HECTD4: variants seen among roughly 807,000 people sequenced by gnomAD.
The protein encoded by HECTD4 is HECT domain E3 ubiquitin protein ligase 4.
Under a neutral mutation model 471.5 loss-of-function variants are expected in HECTD4, and 114 were observed. The ratio of observed to expected loss-of-function variants is 0.24; its 90% confidence interval spans 0.21 to 0.28. The LOEUF is 0.28. Among genes scored for constraint, HECTD4 ranks in the 10% least tolerant of loss-of-function variants. The pLI, the probability that HECTD4 is intolerant of heterozygous loss-of-function variation, is 1.00. For synonymous variants in HECTD4, 2,012 were observed against 2,256.0 expected (o/e 0.89, Z 3.07); for missense variants, 3,866 against 5,651.5 (o/e 0.68, Z 10.13).
chr12:112,185,001 G>A lies in HECTD4; in HGVS notation c.9965C>T (p.Ala3322Val), dbSNP rs1385819671. The change falls in exon 61 of 76, where the codon GCC becomes GTC. Residue 3322 changes from alanine to valine, a missense_variant. Ala to Val is a moderately conservative substitution (Grantham distance 64). This residue lies in a region of HECTD4 where 57 missense variants were observed against 49.8 expected (regional missense o/e 1.14). Transcript: ENST00000682272. The stretch of plus-strand genomic sequence containing the variant: ...AGACTGGCGCTTGCCCGACGAGGAG[G>A]CCTTTTCCCGCTTCATCTTGACTTT... ...RKKVKMKREK[A>V]SSSGKRQSSR... The A allele has an allele frequency of 3.1e-6, 5 of 1,609,628 alleles. No homozygotes were observed. The highest frequency in any genetic ancestry group is 4.2e-6 in the Non-Finnish European group (5 of 1,178,114).
chr12:112,214,245 G>A (rs888021182), intron 48 of HECTD4, among the ~76,000 whole-genome samples: 1 of 152,132 alleles, frequency 6.6e-6, no homozygotes, highest in African/African-American at 2.4e-5. Context: ...AATTGCATCG[G>A]CACTCTTACA....
chr12:112,198,033 A>T (rs1244905079), intron 55 of HECTD4, among the ~76,000 whole-genome samples: 1 of 152,076 alleles, frequency 6.6e-6, no homozygotes, highest in Non-Finnish European at 1.5e-5. Context: ...ATGGGGTTTC[A>T]CCTGTTGGCC....
intron 60 of HECTD4, among the ~76,000 whole-genome samples, chr12:112,190,001 G>A (rs961855049): frequency 3.3e-5 from 5 of 152,078 alleles, no homozygotes; most frequent in Admixed American, 1.3e-4. Context: ...TGATCAACCC[G>A]CCTTGGCCTC....
intron 1 of HECTD4, among the ~76,000 whole-genome samples, chr12:112,358,315 C>T (rs2036383107): frequency 6.6e-6 from 1 of 151,980 alleles, no homozygotes; most frequent in Non-Finnish European, 1.5e-5. Context: ...AATATTATAA[C>T]CTACTAAAAA....
intron 1 of HECTD4, among the ~76,000 whole-genome samples, chr12:112,324,009 C>T (rs1250408385): frequency 2.1e-4 from 8 of 38,042 alleles, no homozygotes; most frequent in South Asian, 1.8e-3. Context: ...TTCCTTCCTT[C>T]CTTCCTTCCT....
chr12:112,259,155 G>A lies in HECTD4; in HGVS notation c.2984C>T (p.Ala995Val), dbSNP rs1566090149. The A allele has an allele frequency of 3.1e-6, 5 of 1,613,828 alleles. No homozygotes were observed. Among genetic ancestry groups the A allele is most frequent in the East Asian group, 2.2e-5 (1 of 44,858 alleles). Residue 995 changes from alanine to valine, a missense_variant, in exon 19 of 76, where the codon GCC (alanine) becomes GTC (valine). This residue lies in a region of HECTD4 where 525 missense variants were observed against 672.6 expected (regional missense o/e 0.78). Transcript: ENST00000682272. ...CAGCTGCACTAGCTGAGGCATCAGG[G>A]CATCCGCCATGATCAGAGTCTGTAA... ...PNLQTLIMAD[A>V]LMPQLVQLVL...
At chr12:112,284,774 C>T (rs1441596839) in intron 7 of HECTD4, among the ~76,000 whole-genome samples, 1 of 152,150 alleles carries the variant, frequency 6.6e-6, no homozygotes, top group East Asian at 1.9e-4. Flanking sequence ...CACTGCCATC[C>T]TTCTTGGGAT....
At chr12:112,306,860 A>G (rs2135682459) in intron 6 of HECTD4, among the ~76,000 whole-genome samples, 1 of 152,362 alleles carries the variant, frequency 6.6e-6, no homozygotes, top group South Asian at 2.1e-4. Context: ...CACCAAGTCC[A>G]TCAGGAGGAA....
At chr12:112,350,770 A>G (rs1429510987) in intron 1 of HECTD4, among the ~76,000 whole-genome samples, 2 of 152,218 alleles carry the variant, frequency 1.3e-5, no homozygotes, top group Non-Finnish European at 2.9e-5. Context: ...TTCTCCACAT[A>G]CAGCTTGCTC....
At chr12:112,281,637 C>A (rs972928799) in intron 8 of HECTD4, among the ~76,000 whole-genome samples, 70 of 152,132 alleles carry the variant, frequency 4.6e-4, no homozygotes, top group African/African-American at 1.6e-3. Flanking sequence ...AACAATTTTG[C>A]CACTTACCTT....
At chr12:112,209,327 G>A (rs1431435406) in intron 50 of HECTD4, among the ~76,000 whole-genome samples, 2 of 140,178 alleles carry the variant, frequency 1.4e-5, no homozygotes, top group African/African-American at 5.2e-5. Context: ...AATCATAAAA[G>A]TTTTTTTTTT....
chr12:112,324,127 T>C (rs1163818251), intron 1 of HECTD4, among the ~76,000 whole-genome samples: 1 of 138,478 alleles, frequency 7.2e-6, no homozygotes, highest in African/African-American at 2.8e-5. Context: ...TTCTTTTTTT[T>C]ATTTTTTTTT....
chr12:112,164,267 A>G lies in HECTD4; in HGVS notation c.12543T>C (p.Asp4181=). Residue 4181 remains aspartate, a synonymous_variant, in exon 73 of 76, where the codon GAT becomes GAC. Coordinates refer to ENST00000682272, the MANE Select transcript of HECTD4 (RefSeq NM_001388303.1). ...CGCACAGGGCCTCCAGCTCGGTCTC[A>G]TCATTGATCTGGAGGGTGGAGGCAG... ...NYVKKFESIN[D]ETELEALCAE... The G allele has an allele frequency of 1.2e-6, 2 of 1,612,210 alleles. No homozygotes were observed. Among genetic ancestry groups the G allele is most frequent in the Non-Finnish European group, 1.7e-6 (2 of 1,178,754 alleles).
At position 112,188,634 on chromosome 12, in the gene HECTD4, A is replaced by T. The variant is rs945004197; in HGVS notation, c.9472+2152T>A. Among the ~76,000 whole-genome samples, 1 of 152,250 alleles carries T rather than the reference A, an allele frequency of 6.6e-6. No individual in the cohort carries two copies. Among genetic ancestry groups the T allele is most frequent in the Non-Finnish European group, 1.5e-5 (1 of 68,042 alleles). On this transcript the variant is annotated intron_variant, in intron 60 of 75. Coordinates refer to ENST00000682272, the MANE Select transcript of HECTD4 (RefSeq NM_001388303.1). This position sits in a 1 kb window ranked among gnomAD's most constrained non-coding sequence, Gnocchi z 4.2. ...TACATCCAGATGGCTCTTGTACAGG[A>T]TAAAAGATTACTGGCCGGGGGAATC...
Position 112,370,161 on chromosome 12 carries a change from T to C in HECTD4, c.177+11791A>G, listed in dbSNP as rs560752849. On this transcript the variant is annotated intron_variant, in intron 1 of 75. Coordinates refer to ENST00000682272, the MANE Select transcript of HECTD4 (RefSeq NM_001388303.1). ...TGACAGATGAGAGACTGCAGTAACA[T>C]ACTCTGAAGATGGAGGAAACAGCAA... 5.3e-5 allele frequency among the ~76,000 whole-genome samples: 8 copies of C among 152,148 alleles called. No homozygotes were observed. In the South Asian group the frequency reaches 1.0e-3, roughly 20 times the overall value.
chr12:112,337,094 T>C (rs1446110068), intron 1 of HECTD4, among the ~76,000 whole-genome samples: 2 of 152,206 alleles, frequency 1.3e-5, no homozygotes, highest in Non-Finnish European at 2.9e-5. Flanking sequence ...ACCACTTAGT[T>C]TTGCAGATAG....
At position 112,164,152 on chromosome 12, in the gene HECTD4, C is replaced by T. The variant is rs1246560788; in HGVS notation, c.12658G>A (p.Glu4220Lys). Residue 4220 changes from glutamate to lysine, a missense_variant, in exon 73 of 76, where the codon GAG (glutamate) becomes AAG (lysine). Around this residue, in one of 16 missense-constraint regions of HECTD4, gnomAD observed 715 missense variants for 1,087.6 expected, o/e 0.66. Coordinates refer to ENST00000682272, the MANE Select transcript of HECTD4 (RefSeq NM_001388303.1). ...CRFTYLTMTG[E>K]EVELCSRGRH... ...CCCCGGCTGCACAGCTCCACCTCCT[C>T]GCCCGTCATGGTCAGGTAGGTGAAC... The T allele has an allele frequency of 6.2e-6, 10 of 1,613,006 alleles. No homozygotes were observed. Among genetic ancestry groups the T allele is most frequent in the East Asian group, 2.2e-5 (1 of 44,874 alleles).
chr12:112,334,591 G>A lies in HECTD4; in HGVS notation c.178-14849C>T, dbSNP rs181703713. Among the ~76,000 whole-genome samples, 12 of 142,614 alleles carry A rather than the reference G, an allele frequency of 8.4e-5. No individual in the cohort carries two copies. The East Asian group carries it at 2.5e-3, about 29-fold the overall frequency. 93.6% of individuals were successfully genotyped at this position (142,614 alleles called of 152,430 possible). A position where few individuals can be genotyped will look rare whatever the true frequency, so the allele number is the denominator to read the frequency against. ...GGGCAGATCACGAGGTCAGGAGTTCGAGACCAGCCTGGTCAACACAGTAAC... is the reference window on the plus strand; with the variant it reads ...GGGCAGATCACGAGGTCAGGAGTTCAAGACCAGCCTGGTCAACACAGTAAC... On this transcript the variant is annotated intron_variant, in intron 1 of 75. Transcript: ENST00000682272.
chr12:112,314,833 C>T lies in HECTD4; in HGVS notation c.696-287G>A, dbSNP rs528521562. 8.4e-4 allele frequency among the ~76,000 whole-genome samples: 128 copies of T among 152,246 alleles called. 1 individual carries two copies. The South Asian group carries it at 0.012, about 15-fold the overall frequency. ...GCATAAAAGTTCAAAACATAAGGCT[C>T]GAGCACAAAGAACTTGTGGCTATTA... is the stretch of plus-strand genomic sequence containing the variant. On this transcript the variant is annotated intron_variant, in intron 2 of 75. Coordinates refer to ENST00000682272, the MANE Select transcript of HECTD4 (RefSeq NM_001388303.1).
Sources: allele counts gnomAD v4.1 joint callset (sites outside exome capture counted in the v4.1 genomes callset), GRCh38; gene constraint gnomAD v4.1.1; regional missense constraint gnomAD v4.1.1; non-coding constraint Gnocchi (gnomAD v3.1); transcripts MANE v1.5; gene names NCBI Gene and HGNC (gene_info 2026-07-23, HGNC 2026-07-21).